ADGRV1: variants seen among roughly 807,000 people sequenced by gnomAD.
ADGRV1 encodes the protein adhesion G protein-coupled receptor V1.
ADGRV1 carries 359 observed loss-of-function variants against 596.2 expected under a neutral mutation model. The ratio of observed to expected loss-of-function variants is 0.60; its 90% CI spans 0.55 to 0.66. The LOEUF is 0.66. ADGRV1 is among the 30% of genes least tolerant of loss of function. ADGRV1 has a pLI of 0.00. For missense variants in ADGRV1, 7,274 were observed against 7,575.6 expected (o/e 0.96, Z 1.48); for synonymous variants, 2,681 against 2,679.2 (o/e 1.00, Z -0.02).
chr5:90,563,417 T>A (rs1469132200), intron 1 of ADGRV1, among the ~76,000 whole-genome samples: 1 of 152,242 alleles, frequency 6.6e-6, no homozygotes, highest in African/African-American at 2.4e-5. Flanking sequence ...GAGTTTTCCT[T>A]GCCTTCAACT....
At chr5:90,966,973 GA>G (rs1297738355) in intron 84 of ADGRV1, among the ~76,000 whole-genome samples, 5 of 152,266 alleles carry the variant, frequency 3.3e-5, no homozygotes, top group Non-Finnish European at 7.4e-5. Context: ...TCTTGTTGAA[GA>G]GGAAGGTTGT....
At position 90,965,440 on chromosome 5, in the gene ADGRV1, C is replaced by G. The variant is rs756940722; in HGVS notation, c.17882C>G (p.Ala5961Gly). ...TQILFLASAY[A>G]SPQLAEESCS... ...ATTCTGTTTCTGGCGTCTGCATACG[C>G]AAGTCCCCAACTCGCTGAGGAGAGC... Residue 5961 changes from alanine (A) to glycine (G), a missense_variant, in exon 84 of 90, where the codon GCA becomes GGA. Transcript: ENST00000405460. The G allele has an allele frequency of 3.7e-6, 6 of 1,612,766 alleles. No individual in the cohort carries two copies. The highest frequency in any genetic ancestry group is 5.1e-6 in the Non-Finnish European group (6 of 1,178,902).
chr5:91,120,138 G>A (rs1264629696), intron 87 of ADGRV1, among the ~76,000 whole-genome samples: 1 of 152,196 alleles, frequency 6.6e-6, no homozygotes, highest in African/African-American at 2.4e-5. Context: ...GTCTACAAAG[G>A]CTGGAAGCAG....
intron 85 of ADGRV1, among the ~76,000 whole-genome samples, chr5:91,014,136 C>CCACACACA (rs70973720): frequency 7.6e-4 from 27 of 35,698 alleles, no homozygotes; most frequent in African/African-American, 2.0e-3. Context: ...TTCACAATTG[C>CCACACACA]CACACACACA....
At chr5:90,593,576 G>A (rs145850407) in intron 1 of ADGRV1, among the ~76,000 whole-genome samples, 10,550 of 152,104 alleles carry the variant, frequency 0.069, 429 homozygotes, top group South Asian at 0.12. Flanking sequence ...TTGTGCACAT[G>A]TACCCTAGAA....
At chr5:90,939,586 T>C (rs1014327010) in intron 83 of ADGRV1, among the ~76,000 whole-genome samples, 6 of 152,186 alleles carry the variant, frequency 3.9e-5, no homozygotes, top group Non-Finnish European at 8.8e-5. Context: ...TATAAAGTAC[T>C]ATGAAAGCAA....
rs140123082 is a variant in ADGRV1 at position 90,804,088 on chromosome 5, G to A, written c.14662-1196G>A. Among the ~76,000 whole-genome samples, 7 of 152,266 alleles carry A rather than the reference G, an allele frequency of 4.6e-5. No individual in the cohort carries two copies. In the East Asian group the frequency reaches 1.4e-3, roughly 29 times the overall value. On this transcript the variant is annotated intron_variant, in intron 71 of 89. Transcript: ENST00000405460. ...TGTAGCAAGAATGATCTCACTCAAA[G>A]CTTTTGGCAGTTGCTAAGCAGAAGC...
intron 85 of ADGRV1, among the ~76,000 whole-genome samples, chr5:91,037,170 C>T (rs922593346): frequency 1.1e-4 from 16 of 152,304 alleles, no homozygotes; most frequent in African/African-American, 3.8e-4. Flanking sequence ...AGTGGACTTG[C>T]ATCACAGCTG....
rs193172480 is a variant in ADGRV1, at chr5:91,007,422, C to G, written c.18152+21900C>G. ...CTCCCTACCTACTTCCTTTTCTCTC[C>G]CCTGGGTCCTACTCCATCCTGCTAC... is the stretch of plus-strand genomic sequence containing the variant. On this transcript the variant is annotated intron_variant, in intron 85 of 89. Coordinates refer to ENST00000405460, the MANE Select transcript of ADGRV1 (RefSeq NM_032119.4). Among the ~76,000 whole-genome samples the G allele has an allele frequency of 2.1e-3, 319 of 152,226 alleles. 1 individual carries two copies. Among genetic ancestry groups the G allele is most frequent in the Non-Finnish European group, 3.6e-3 (245 of 68,014 alleles).
chr5:90,834,402 G>A (rs184277712), intron 77 of ADGRV1, among the ~76,000 whole-genome samples: 3 of 152,066 alleles, frequency 2.0e-5, no homozygotes, highest in African/African-American at 4.8e-5. Flanking sequence ...GGATATTTTC[G>A]CTTGATATAC....
intron 83 of ADGRV1, among the ~76,000 whole-genome samples, chr5:90,948,743 C>T (rs147609173): frequency 3.3e-5 from 5 of 152,188 alleles, no homozygotes; most frequent in East Asian, 3.9e-4. Context: ...AATCATCTAA[C>T]GCAAAGTCTA....
At chr5:90,666,019 G>T (rs536100269) in intron 21 of ADGRV1, among the ~76,000 whole-genome samples, 7 of 151,450 alleles carry the variant, frequency 4.6e-5, no homozygotes, top group African/African-American at 7.3e-5. Context: ...TTGCTGAGGA[G>T]AGCTTTACTT....
chr5:90,949,712 T>G (rs1581606887), intron 83 of ADGRV1, among the ~76,000 whole-genome samples: 1 of 152,072 alleles, frequency 6.6e-6, no homozygotes, highest in Non-Finnish European at 1.5e-5. Context: ...TTGGTTAGAG[T>G]CTAATGCAAG....
At chr5:91,028,033 C>CTTTTTT (rs1412113333) in intron 85 of ADGRV1, among the ~76,000 whole-genome samples, 2 of 87,654 alleles carry the variant, frequency 2.3e-5, no homozygotes, top group Non-Finnish European at 2.9e-5. Flanking sequence ...CTTTTTTTTT[C>CTTTTTT]TTTCTTTTTT....
intron 21 of ADGRV1, among the ~76,000 whole-genome samples, chr5:90,661,898 A>T (rs1770355013): frequency 6.6e-6 from 1 of 152,216 alleles, no homozygotes. Context: ...TAATAATTAC[A>T]TACCGGAGTC....
chr5:90,992,928 T>C (rs1781088895), intron 85 of ADGRV1, among the ~76,000 whole-genome samples: 1 of 152,174 alleles, frequency 6.6e-6, no homozygotes, highest in African/African-American at 2.4e-5. Flanking sequence ...CATATACCTT[T>C]TATCCAGTGT....
intron 82 of ADGRV1, among the ~76,000 whole-genome samples, chr5:90,861,622 T>TA (rs1281171861): frequency 1.3e-5 from 2 of 152,176 alleles, no homozygotes; most frequent in Non-Finnish European, 2.9e-5. Context: ...CTTTATTTTT[T>TA]AAAAAATCAT....
intron 87 of ADGRV1, among the ~76,000 whole-genome samples, chr5:91,148,839 C>T (rs1310392837): frequency 1.3e-5 from 2 of 152,178 alleles, no homozygotes; most frequent in Non-Finnish European, 2.9e-5. Flanking sequence ...GTGGAGCTGT[C>T]CAAGGCCGCG....
intron 84 of ADGRV1, among the ~76,000 whole-genome samples, chr5:90,979,163 A>G (rs1779877852): frequency 6.6e-6 from 1 of 151,200 alleles, no homozygotes; most frequent in African/African-American, 2.4e-5. Flanking sequence ...ATTTGTGTCA[A>G]TTTCTTTTTT....
Sources: allele counts gnomAD v4.1 joint callset (sites outside exome capture counted in the v4.1 genomes callset), GRCh38; gene constraint gnomAD v4.1.1; transcripts MANE v1.5; gene names NCBI Gene and HGNC (gene_info 2026-07-23, HGNC 2026-07-21).